The following CLEC1B variants were observed in gnomAD, a reference collection of about 807,000 sequenced individuals.
CLEC1B encodes C-type lectin-like receptor 2.
CLEC1B carries 26 observed loss-of-function variants against 26.7 expected under a neutral mutation model. That is an observed-to-expected ratio of 0.97 (90% confidence interval 0.71 to 1.35). CLEC1B has a LOEUF of 1.35. CLEC1B is among the 40% of genes most tolerant of loss of function. The pLI is 0.00. For synonymous variants in CLEC1B, 112 were observed against 96.0 expected (o/e 1.17, Z -0.97); for missense variants, 293 against 282.6 (o/e 1.04, Z -0.26).
At chr12:9,995,917 G>A (rs932983055) in intron 4 of CLEC1B, among the ~76,000 whole-genome samples, 3 of 152,018 alleles carry the variant, frequency 2.0e-5, no homozygotes, top group African/African-American at 7.2e-5. Flanking sequence ...CTTACTAACT[G>A]CATAGGTCCA....
chr12:9,998,259 T>G, intron 2 of CLEC1B, 23 bp downstream of exon 2: 1 of 1,593,688 alleles, frequency 6.3e-7, no homozygotes, highest in Non-Finnish European at 8.6e-7. Flanking sequence ...TCCAGTCAAA[T>G]TTCTGGCAGA....
Position 9,997,028 on chromosome 12 carries a change from T to C in CLEC1B, c.284-28A>G, listed in dbSNP as rs1865067949. 2.5e-6 allele frequency: 4 copies of C among 1,612,206 alleles called. 1 individual carries two copies. The South Asian group carries it at 4.4e-5, about 18-fold the overall frequency. ...GGAGAAACCAAGCACAGGAATGGTG[T>C]ATTTTTTCTAAATTGGGCTTACATT... On this transcript the variant is annotated intron_variant, in intron 3 of 5. Coordinates refer to ENST00000298527, the MANE Select transcript of CLEC1B (RefSeq NM_016509.4).
Position 9,997,257 on chromosome 12 carries a change from T to C in CLEC1B, c.186A>G (p.Leu62=). ...CTGTGCGATTTTCATTCTCACCTTG[T>C]AGGTAATTGCGCTGCATGACAGCTA... ...GIWSVMQRNY[L]QGENENRTGT... is the part of the protein sequence containing the mutation. The change falls in exon 3 of 6, where the codon CTA becomes CTG. Residue 62 remains leucine (L), a synonymous_variant. Transcript: ENST00000298527. The C allele has an allele frequency of 6.2e-7, 1 of 1,612,332 alleles. No individual in the cohort carries two copies. The highest frequency in any genetic ancestry group is 1.7e-4 in the Middle Eastern group (1 of 6,056).
upstream of CLEC1B, among the ~76,000 whole-genome samples, chr12:9,999,702 G>A (rs527272579): frequency 1.3e-5 from 2 of 152,104 alleles, no homozygotes; most frequent in African/African-American, 4.8e-5. Flanking sequence ...TCCACATGAG[G>A]CAGGCCTGAT....
upstream of CLEC1B, chr12:9,999,391 A>T: frequency 3.9e-6 from 1 of 253,298 alleles, no homozygotes; most frequent in Non-Finnish European, 7.4e-6. Flanking sequence ...CTTCAACACT[A>T]AATAAAGGGA....
chr12:9,999,173 C>T, upstream of CLEC1B: 3 of 913,654 alleles, frequency 3.3e-6, no homozygotes, highest in Non-Finnish European at 5.4e-6. Flanking sequence ...TTTACAATTT[C>T]AGTATCTGTC....
chr12:9,993,343 T>TCAAACTACTATACG, intron 5 of CLEC1B, 56 bp from the exon 6 acceptor site: 1 of 1,424,474 alleles, frequency 7.0e-7, no homozygotes, highest in Non-Finnish European at 9.7e-7. Flanking sequence ...CAATCAGTAA[T>TCAAACTACTATACG]CAGACTCTGC....
At chr12:9,994,836 C>A (rs1452076461) in intron 5 of CLEC1B, among the ~76,000 whole-genome samples, 2 of 145,468 alleles carry the variant, frequency 1.4e-5, no homozygotes, top group African/African-American at 2.5e-5. Context: ...CATGCGCGCA[C>A]ACACACACAC....
At chr12:9,998,419 A>G (rs773308367) in intron 1 of CLEC1B, 39 bp from the exon 2 acceptor site, 5 of 1,510,608 alleles carry the variant, frequency 3.3e-6, no homozygotes, top group Non-Finnish European at 4.6e-6. Flanking sequence ...AGCAGGCAGT[A>G]TGGGTTAGCT....
chr12:9,995,070 G>A, intron 5 of CLEC1B, 70 bp downstream of exon 5: 1 of 1,599,728 alleles, frequency 6.3e-7, no homozygotes, highest in Non-Finnish European at 8.5e-7. Context: ...GACTTGGACT[G>A]AGAGAAGAGG....
intron 5 of CLEC1B, 165 bp downstream of exon 5, chr12:9,994,975 G>A (rs1053798354): frequency 6.6e-7 from 1 of 1,509,084 alleles, no homozygotes; most frequent in African/African-American, 1.4e-5. Context: ...GGGAGAGAGG[G>A]GAAAGAATTG....
At chr12:9,994,830 C>T (rs955633448) in intron 5 of CLEC1B, among the ~76,000 whole-genome samples, 6 of 138,376 alleles carry the variant, frequency 4.3e-5, no homozygotes, top group Non-Finnish European at 6.6e-5. Context: ...CATGTGCATG[C>T]GCGCACACAC....
upstream of CLEC1B, chr12:9,999,339 T>C (rs1169983830): frequency 2.7e-6 from 1 of 370,400 alleles, no homozygotes; most frequent in African/African-American, 2.1e-5. Flanking sequence ...TAACTTGTGG[T>C]AAAGGAGTAG....
At chr12:9,993,950 C>CT (rs1239997297) in intron 5 of CLEC1B, among the ~76,000 whole-genome samples, 3 of 152,036 alleles carry the variant, frequency 2.0e-5, no homozygotes, top group African/African-American at 7.2e-5. Context: ...AAGCTAATGT[C>CT]TTTCTTGTTG....
intron 4 of CLEC1B, chr12:9,995,588 A>G (rs1220292520): frequency 2.9e-6 from 1 of 343,956 alleles, no homozygotes; most frequent in Non-Finnish European, 5.6e-6. Flanking sequence ...GAGAAAGGAA[A>G]TACAAAGAAA....
intron 1 of CLEC1B, among the ~76,000 whole-genome samples, chr12:9,998,711 T>C (rs1403362607): frequency 6.6e-6 from 1 of 152,188 alleles, no homozygotes; most frequent in Non-Finnish European, 1.5e-5. Context: ...ATTGCTTTAA[T>C]AAACAGCAAA....
In CLEC1B at chr12:9,995,210, C is replaced by T. The variant is rs1237117664; in HGVS notation, c.475G>A (p.Val159Ile). 1.2e-6 allele frequency: 2 copies of T among 1,613,138 alleles called. No homozygotes were observed. The highest frequency in any genetic ancestry group is 1.7e-4 in the Middle Eastern group (1 of 6,056). Residue 159 changes from valine to isoleucine, a missense_variant, in exon 5 of 6, where the codon GTC becomes ATC. Transcript: ENST00000298527. ...TTCGACTTCTGGCGAGATAATCCGA[C>T]CCAACGAATTAAATGAGTCCTGGCT... is the stretch of plus-strand genomic sequence containing the variant. Reference protein sequence around the residue: ...IKARTHLIRWVGLSRQKSNEV... With the variant: ...IKARTHLIRWIGLSRQKSNEV...
upstream of CLEC1B, among the ~76,000 whole-genome samples, chr12:10,000,197 T>A (rs1865140878): frequency 6.6e-6 from 1 of 152,216 alleles, no homozygotes; most frequent in African/African-American, 2.4e-5. Flanking sequence ...TTTTCTTTAC[T>A]TAGCAGAGTG....
At chr12:9,999,674 T>C (rs997933052), upstream of CLEC1B, among the ~76,000 whole-genome samples, 20 of 152,130 alleles carry the variant, frequency 1.3e-4, no homozygotes, top group African/African-American at 4.6e-4. Context: ...TATTTCATAC[T>C]TTTTTTTATT....
Sources: gnomAD v4.1 joint callset for allele counts (sites outside exome capture counted in the v4.1 genomes callset) on GRCh38, gnomAD v4.1.1 for gene constraint, MANE v1.5 for transcripts, NCBI Gene and HGNC (gene_info 2026-07-23, HGNC 2026-07-21) for gene names.